The following INCENP variants were observed in gnomAD, a reference collection of about 807,000 sequenced individuals.
The protein encoded by INCENP is inner centromere protein, also known as binds and activates aurora-B and -C in vivo and in vitro.
Under a neutral mutation model 107.3 loss-of-function variants are expected in INCENP, and 43 were observed. The ratio of observed to expected loss-of-function variants is 0.40; its 90% CI spans 0.31 to 0.52. INCENP has a LOEUF of 0.52. Ranked by LOEUF, INCENP falls within the 20% of genes least tolerant of loss-of-function variation. The pLI is 0.53. For synonymous variants in INCENP, 488 were observed against 494.4 expected (o/e 0.99, Z 0.17); for missense variants, 1,089 against 1,250.9 (o/e 0.87, Z 1.95).
chr11:62,129,879 G>A lies in INCENP; in HGVS notation c.352G>A (p.Gly118Ser), dbSNP rs1381957043. 6 of 1,613,564 alleles carry A rather than the reference G, an allele frequency of 3.7e-6. No individual in the cohort carries two copies. Among genetic ancestry groups the A allele is most frequent in the East Asian group, 2.2e-5 (1 of 44,872 alleles). ...GCTGGCTACAGTGGTCGGGGAGAACGGCTCCGTCCTGCGGCGTGTGACCCG... is the reference window on the plus strand; with the variant it reads ...GCTGGCTACAGTGGTCGGGGAGAACAGCTCCGTCCTGCGGCGTGTGACCCG... Reference protein sequence around the residue: ...EKLATVVGENGSVLRRVTRAA... With the variant: ...EKLATVVGENSSVLRRVTRAA... Residue 118 changes from glycine (G) to serine (S), a missense_variant, in exon 4 of 19, where the codon GGC becomes AGC. Transcript: ENST00000394818.
intron 11 of INCENP, chr11:62,141,773 A>G (rs574903660): frequency 5.1e-6 from 3 of 584,882 alleles, no homozygotes; most frequent in East Asian, 2.9e-5. Flanking sequence ...CACCAGGGCT[A>G]CAGCTTGATG....
intron 17 of INCENP, 98 bp from the exon 18 acceptor site, chr11:62,149,959 C>G (rs1242497727): frequency 7.6e-6 from 9 of 1,191,548 alleles, no homozygotes; most frequent in Non-Finnish European, 8.4e-6. Flanking sequence ...TTTGTTTCTC[C>G]TGTGAAATAG....
chr11:62,140,777 C>T lies in INCENP; in HGVS notation c.1417C>T (p.Pro473Ser). 1 of 1,611,314 alleles carries T rather than the reference C, an allele frequency of 6.2e-7. No individual in the cohort carries two copies. Among genetic ancestry groups the T allele is most frequent in the Non-Finnish European group, 8.5e-7 (1 of 1,179,434 alleles). ...GCACCTGGAGGATGAGGAGCTGCAGCCCCCCAGGAGCAAGACCCCTTCCTC... is the reference window on the plus strand; with the variant it reads ...GCACCTGGAGGATGAGGAGCTGCAGTCCCCCAGGAGCAAGACCCCTTCCTC... Reference protein sequence around the residue: ...EQHLEDEELQPPRSKTPSSPC... With the variant: ...EQHLEDEELQSPRSKTPSSPC... Residue 473 changes from proline to serine, a missense_variant, in exon 9 of 19, where the codon CCC becomes TCC. Coordinates refer to ENST00000394818, the MANE Select transcript of INCENP (RefSeq NM_001040694.2).
At chr11:62,133,988 G>A (rs1433379722) in intron 4 of INCENP, among the ~76,000 whole-genome samples, 1 of 152,188 alleles carries the variant, frequency 6.6e-6, no homozygotes. Context: ...CGCCAGCTCA[G>A]CTACCTTCTC....
In INCENP at chr11:62,129,831, C is replaced by A; in HGVS notation, c.304C>A (p.Arg102Ser). The A allele has an allele frequency of 6.2e-7, 1 of 1,611,986 alleles. No individual in the cohort carries two copies. The highest frequency in any genetic ancestry group is 8.5e-7 in the Non-Finnish European group (1 of 1,179,882). Residue 102 changes from arginine to serine, a missense_variant, in exon 4 of 19, where the codon CGC (arginine) becomes AGC (serine). Transcript: ENST00000394818. ...RSSQLSSRRLRSKDSVEKLAT... is the reference protein window; with the variant it reads ...RSSQLSSRRLSSKDSVEKLAT... Reference sequence around the variant, plus strand: ...CAGCCAGCTGAGCTCCCGACGCCTCCGCAGCAAGGACAGTGTAGAGAAGCT... The same window carrying A: ...CAGCCAGCTGAGCTCCCGACGCCTCAGCAGCAAGGACAGTGTAGAGAAGCT...
chr11:62,141,621 G>C (rs977394992), intron 11 of INCENP, 110 bp downstream of exon 11: 10 of 1,401,422 alleles, frequency 7.1e-6, no homozygotes, highest in Non-Finnish European at 1.0e-5. Context: ...CATTGTAAGC[G>C]GGAGGGGAGC....
chr11:62,126,235 G>A (rs1332588241), intron 1 of INCENP, among the ~76,000 whole-genome samples: 5 of 146,880 alleles, frequency 3.4e-5, no homozygotes, highest in Non-Finnish European at 5.9e-5. Flanking sequence ...TCCCTCTGTT[G>A]CCTGGGCTGG....
chr11:62,130,775 A>AT (rs1943877538), intron 4 of INCENP, among the ~76,000 whole-genome samples, 185 bp downstream of exon 4: 1 of 152,214 alleles, frequency 6.6e-6, no homozygotes. Flanking sequence ...TGTCCTCAAA[A>AT]TGTGGCTAGT....
Position 62,129,470 on chromosome 11 carries a change from G to A in INCENP, c.255-312G>A, listed in dbSNP as rs111383173. Among the ~76,000 whole-genome samples the A allele has an allele frequency of 1.4e-4, 21 of 152,324 alleles. 1 individual carries two copies. The Middle Eastern group carries it at 0.01, about 74-fold the overall frequency. On this transcript the variant is annotated intron_variant, in intron 3 of 18. Transcript: ENST00000394818. ...GGCGTGCTCTGGATTAAGGCAGAGC[G>A]TGTGTAAGGCTTTCAGCAGGGGCTC...
Position 62,140,259 on chromosome 11 carries a change from A to ACCCAGAGAG in INCENP, c.1320_1328dup (p.Arg441_Pro443dup). On this transcript the variant is annotated inframe_insertion, in exon 8 of 19. Transcript: ENST00000394818. ...AGGCCAAGACGGACCAAGCAGATGGACCCAGAGAGCCACCGCAGAGTGCCA... is the reference window on the plus strand; with the variant it reads ...AGGCCAAGACGGACCAAGCAGATGGACCCAGAGAGCCCAGAGAGCCACCGCAGAGTGCCA... The ACCCAGAGAG allele has an allele frequency of 6.2e-7, 1 of 1,613,642 alleles. No homozygotes were observed. The highest frequency in any genetic ancestry group is 8.5e-7 in the Non-Finnish European group (1 of 1,179,868).
At position 62,144,965 on chromosome 11, in the gene INCENP, G is replaced by T. The variant is rs191507591; in HGVS notation, c.1606-17G>T. 1 of 1,583,820 alleles carries T rather than the reference G, an allele frequency of 6.3e-7. No individual in the cohort carries two copies. Among genetic ancestry groups the T allele is most frequent in the South Asian group, 1.1e-5 (1 of 88,132 alleles). The stretch of plus-strand genomic sequence containing the variant: ...TCCTTGCTCATGTCCCATCTCCCTC[G>T]CTCCCCGCCACCCCAGGAGAAGGAG... On this transcript the variant is annotated splice_polypyrimidine_tract_variant and intron_variant, in intron 11 of 18. Coordinates refer to ENST00000394818, the MANE Select transcript of INCENP (RefSeq NM_001040694.2).
chr11:62,145,905 GC>G (rs1408845530), intron 14 of INCENP, 154 bp downstream of exon 14: 4 of 958,164 alleles, frequency 4.2e-6, no homozygotes, highest in Non-Finnish European at 6.1e-6. Context: ...AGTCTCCAGG[GC>G]GGGGATGGTG....
Position 62,130,501 on chromosome 11 carries a change from T to G in INCENP, c.974T>G (p.Val325Gly). 6.2e-7 allele frequency: 1 copy of G among 1,614,102 alleles called. No individual in the cohort carries two copies. The highest frequency in any genetic ancestry group is 8.5e-7 in the Non-Finnish European group (1 of 1,180,028). Reference protein sequence around the residue: ...PQVLAQKYSLVAKQESVVRRA... With the variant: ...PQVLAQKYSLGAKQESVVRRA... Reference sequence around the variant, plus strand: ...GTCTTAGCCCAGAAGTACTCTCTGGTGGCCAAACAGGAAAGTGTTGTCCGC... The same window carrying G: ...GTCTTAGCCCAGAAGTACTCTCTGGGGGCCAAACAGGAAAGTGTTGTCCGC... Residue 325 changes from valine (V) to glycine (G), a missense_variant, in exon 4 of 19, where the codon GTG (valine) becomes GGG (glycine). By Grantham distance (109) the Val-to-Gly change is moderately radical. Coordinates refer to ENST00000394818, the MANE Select transcript of INCENP (RefSeq NM_001040694.2).
At chr11:62,151,341 G>T (rs1020818027) in intron 18 of INCENP, among the ~76,000 whole-genome samples, 4 of 152,186 alleles carry the variant, frequency 2.6e-5, no homozygotes, top group Non-Finnish European at 5.9e-5. Flanking sequence ...GGCCTGTGGG[G>T]TCTGTGAGAA....
In INCENP at chr11:62,130,513, A is replaced by G. The variant is rs1943869077; in HGVS notation, c.986A>G (p.Glu329Gly). Reference sequence around the variant, plus strand: ...AAGTACTCTCTGGTGGCCAAACAGGAAAGTGTTGTCCGCAGGGCGAGCAGA... The same window carrying G: ...AAGTACTCTCTGGTGGCCAAACAGGGAAGTGTTGTCCGCAGGGCGAGCAGA... ...AQKYSLVAKQ[E>G]SVVRRASRRL... Residue 329 changes from glutamate (E) to glycine (G), a missense_variant, in exon 4 of 19, where the codon GAA (glutamate) becomes GGA (glycine). Physicochemically the swap from Glu to Gly is moderately conservative, Grantham distance 98. Transcript: ENST00000394818. The G allele has an allele frequency of 6.2e-7, 1 of 1,614,044 alleles. No individual in the cohort carries two copies. Among genetic ancestry groups the G allele is most frequent in the Non-Finnish European group, 8.5e-7 (1 of 1,180,010 alleles).
intron 4 of INCENP, among the ~76,000 whole-genome samples, chr11:62,137,353 G>A (rs1944014558): frequency 6.6e-6 from 1 of 152,202 alleles, no homozygotes; most frequent in Admixed American, 6.5e-5. Flanking sequence ...GCCCATGCTG[G>A]TGTTGTTGAT....
In INCENP at chr11:62,126,362, A is replaced by G. The variant is rs543853203; in HGVS notation, c.-11-1789A>G. On this transcript the variant is annotated intron_variant, in intron 1 of 18. Transcript: ENST00000394818. ...AGGCGTGCACCACCACACACAGCTAATTTTTTTGTATCTTTAGTAGAGACT... is the reference window on the plus strand; with the variant it reads ...AGGCGTGCACCACCACACACAGCTAGTTTTTTTGTATCTTTAGTAGAGACT... Among the ~76,000 whole-genome samples the G allele has an allele frequency of 5.3e-5, 8 of 152,084 alleles. No homozygotes were observed. In the South Asian group the frequency reaches 1.7e-3, roughly 32 times the overall value.
rs367697749 is a variant in INCENP, at chr11:62,128,557, G to A, written c.141-213G>A. ...CCTCTCAGGGTATGTGGCAATGGAC[G>A]TGCGCCTGGGAGCTTGCTTCCCTGC... On this transcript the variant is annotated intron_variant, in intron 2 of 18. Transcript: ENST00000394818. Among the ~76,000 whole-genome samples the A allele has an allele frequency of 1.1e-3, 165 of 152,344 alleles. 3 individuals carry two copies. Among genetic ancestry groups the A allele is most frequent in the African/African-American group, 2.4e-4 (10 of 41,588 alleles).
intron 14 of INCENP, 24 bp downstream of exon 14, chr11:62,145,775 G>A: frequency 6.5e-7 from 1 of 1,547,172 alleles, no homozygotes. Context: ...TGGGCCTCAG[G>A]GAGGAGGTGG....
Sources: gnomAD v4.1 joint callset for allele counts (sites outside exome capture counted in the v4.1 genomes callset) on GRCh38, gnomAD v4.1.1 for gene constraint, MANE v1.5 for transcripts, NCBI Gene and HGNC (gene_info 2026-07-23, HGNC 2026-07-21) for gene names.